Variants in SPNS1 observed in about 807,000 individuals in gnomAD.
SPNS1 encodes the protein SPNS lysolipid transporter 1, lysophospholipid, also known as protein spinster homolog 1.
A neutral mutation model predicts 50.3 loss-of-function variants in SPNS1; 22 were observed. The observed-to-expected ratio is 0.44, with a 90% CI of 0.31 to 0.62. The LOEUF (loss-of-function observed/expected upper bound fraction) is 0.62, where lower values mean the gene tolerates loss of function less well. Among genes scored for constraint, SPNS1 ranks in the 20% least tolerant of loss-of-function variants. The pLI, the probability that SPNS1 is intolerant of heterozygous loss-of-function variation, is 0.07. For synonymous variants in SPNS1, 295 were observed against 317.4 expected (o/e 0.93, Z 0.75); for missense variants, 576 against 728.6 (o/e 0.79, Z 2.41).
Position 28,984,529 on chromosome 16 carries a change from A to T in SPNS1, c.*230A>T, listed in dbSNP as rs1212821462. The T allele has an allele frequency of 1.6e-6, 1 of 636,512 alleles. No homozygotes were observed. Among genetic ancestry groups the T allele is most frequent in the Non-Finnish European group, 2.8e-6 (1 of 355,182 alleles). The allele number at this position is 636,512 out of a possible 1,614,324, so 39.4% of individuals were successfully genotyped here. ...GCTCGGTGCTATTTGTAACGGAATA[A>T]AATTTGTAGCCAGACCCCAGGTGCC... is the stretch of plus-strand genomic sequence containing the variant. On this transcript the variant is annotated 3_prime_UTR_variant, in exon 12 of 12. Coordinates refer to ENST00000311008, the MANE Select transcript of SPNS1 (RefSeq NM_032038.3).
chr16:28,976,528 A>G (rs938711872), intron 2 of SPNS1, among the ~76,000 whole-genome samples: 4 of 152,204 alleles, frequency 2.6e-5, no homozygotes, highest in Non-Finnish European at 4.4e-5. Context: ...CTATCAGTCA[A>G]AAATAGGTGT....
chr16:28,979,755 G>A, intron 5 of SPNS1: 2 of 375,874 alleles, frequency 5.3e-6, no homozygotes, highest in Non-Finnish European at 5.1e-6. Context: ...TGGGTGTGGT[G>A]GCTAACACCT....
chr16:28,981,598 G>A lies in SPNS1; in HGVS notation c.792G>A (p.Leu264=). 1 of 1,614,124 alleles carries A rather than the reference G, an allele frequency of 6.2e-7. No homozygotes were observed. Among genetic ancestry groups the A allele is most frequent in the Non-Finnish European group, 8.5e-7 (1 of 1,180,018 alleles). The change falls in exon 6 of 12, where the codon CTG becomes CTA. Residue 264 remains leucine (L), a synonymous_variant. Transcript: ENST00000311008. The surrounding 1 kb of genome is among the most constrained non-coding windows in gnomAD (Gnocchi z 4.2). ...PLNPTSWWAD[L]RALARNPSFV... ...ACCCCACCTCGTGGTGGGCAGATCT[G>A]AGGGCTCTGGCAAGAAAGTGAGTTT...
chr16:28,981,988 G>A lies in SPNS1; in HGVS notation c.897G>A (p.Leu299=). The change falls in exon 7 of 12, where the codon CTG becomes CTA. Residue 299 remains leucine, a synonymous_variant. Transcript: ENST00000311008. The surrounding 1 kb of genome is among the most constrained non-coding windows in gnomAD (Gnocchi z 4.2). ...CTCTGTGGGCTCCGGCATTCCTGCT[G>A]CGTTCCCGCGTGGTCCTTGGGGAGA... is the stretch of plus-strand genomic sequence containing the variant. ...SLALWAPAFL[L]RSRVVLGETP... 6.2e-7 allele frequency: 1 copy of A among 1,614,218 alleles called. No individual in the cohort carries two copies. The highest frequency in any genetic ancestry group is 8.5e-7 in the Non-Finnish European group (1 of 1,180,042).
chr16:28,976,821 C>T (rs972059002), intron 2 of SPNS1, among the ~76,000 whole-genome samples: 4 of 152,292 alleles, frequency 2.6e-5, no homozygotes, highest in East Asian at 3.9e-4. Flanking sequence ...TCTAGGCAGC[C>T]GGATTTATTC....
In SPNS1 at chr16:28,975,500, C is replaced by A. The variant is rs759205790; in HGVS notation, c.250C>A (p.Pro84Thr). ...CTGAATTTTCTCCTCAGGCGTCCTT[C>A]CCGACATCGAGCAGTTCTTCAACAT... ...MDRFTVAGVL[P>T]DIEQFFNIGD... The change falls in exon 2 of 12, where the codon CCC (proline) becomes ACC (threonine). Residue 84 changes from proline to threonine, a missense_variant. By Grantham distance (38) the Pro-to-Thr change is conservative. This residue lies in a region of SPNS1 where 144 missense variants were observed against 181.2 expected (regional missense o/e 0.79). Coordinates refer to ENST00000311008, the MANE Select transcript of SPNS1 (RefSeq NM_032038.3). 2.5e-6 allele frequency: 4 copies of A among 1,614,130 alleles called. No homozygotes were observed. The highest frequency in any genetic ancestry group is 3.4e-6 in the Non-Finnish European group (4 of 1,180,054).
At chr16:28,976,418 C>T (rs911921323) in intron 2 of SPNS1, among the ~76,000 whole-genome samples, 1 of 152,166 alleles carries the variant, frequency 6.6e-6, no homozygotes, top group African/African-American at 2.4e-5. Flanking sequence ...CATTTCTCAA[C>T]CATTTCTGAG....
At position 28,981,772 on chromosome 16, in the gene SPNS1, C is replaced by T. The variant is rs1205539825; in HGVS notation, c.810-129C>T. ...GCTGCTTGAATTACAGGCCCAGATC[C>T]TGGGAGCCAGAACCACCTCTGCACG... On this transcript the variant is annotated intron_variant, in intron 6 of 11. Coordinates refer to ENST00000311008, the MANE Select transcript of SPNS1 (RefSeq NM_032038.3). This position sits in a 1 kb window ranked among gnomAD's most constrained non-coding sequence, Gnocchi z 4.2. 3.3e-6 allele frequency: 5 copies of T among 1,493,740 alleles called. No individual in the cohort carries two copies. The African/African-American group carries it at 5.5e-5, about 17-fold the overall frequency. The allele number at this position is 1,493,740 out of a possible 1,614,324, so 92.5% of individuals were successfully genotyped here. A position where few individuals can be genotyped will look rare whatever the true frequency, so the allele number is the denominator to read the frequency against.
intron 4 of SPNS1, 36 bp from the exon 5 acceptor site, chr16:28,979,369 G>A (rs1965463475): frequency 6.2e-7 from 1 of 1,613,654 alleles, no homozygotes; most frequent in Middle Eastern, 1.7e-4. Flanking sequence ...GGACTGACTG[G>A]CTGTCCCCCC....
In SPNS1 at chr16:28,983,229, C is replaced by A. The variant is rs948993961; in HGVS notation, c.1259C>A (p.Ala420Asp). The A allele has an allele frequency of 1.9e-6, 3 of 1,613,972 alleles. No homozygotes were observed. Among genetic ancestry groups the A allele is most frequent in the Non-Finnish European group, 2.5e-6 (3 of 1,179,996 alleles). ...CCTACCCGACGCTCCACCGCCGAGG[C>A]CTTCCAGATCGTGCTGTCCCACCTG... ...VIPTRRSTAEAFQIVLSHLLG... is the reference protein window; with the variant it reads ...VIPTRRSTAEDFQIVLSHLLG... The change falls in exon 10 of 12, where the codon GCC (alanine) becomes GAC (aspartate). Residue 420 changes from alanine (A) to aspartate (D), a missense_variant. Physicochemically the swap from Ala to Asp is moderately radical, Grantham distance 126. Coordinates refer to ENST00000311008, the MANE Select transcript of SPNS1 (RefSeq NM_032038.3). This position sits in a 1 kb window ranked among gnomAD's most constrained non-coding sequence, Gnocchi z 5.4.
At chr16:28,977,155 T>C (rs1464754909) in intron 2 of SPNS1, among the ~76,000 whole-genome samples, 2 of 151,860 alleles carry the variant, frequency 1.3e-5, no homozygotes, top group Admixed American at 6.6e-5. Flanking sequence ...CCATCTCTAC[T>C]AAAAATACAA....
chr16:28,982,300 G>T (rs1212778450), intron 7 of SPNS1, 56 bp from the exon 8 acceptor site: 58 of 1,518,208 alleles, frequency 3.8e-5, no homozygotes, highest in Non-Finnish European at 4.9e-5. Flanking sequence ...GATGGACAGC[G>T]TAGGGGCCTT....
intron 2 of SPNS1, among the ~76,000 whole-genome samples, chr16:28,977,289 T>C (rs2141664472): frequency 7.2e-6 from 1 of 138,286 alleles, no homozygotes; most frequent in South Asian, 2.3e-4. Context: ...CACTCCAACC[T>C]GACAACAGAG....
rs755796646 is a variant in SPNS1 at position 28,982,909 on chromosome 16, C to T, written c.1208C>T (p.Ala403Val). The stretch of plus-strand genomic sequence containing the variant: ...CTGTCCATGAACTGGGCCATCGTGG[C>T]CGACATTCTGCTGGTGAGTTGCTGG... The part of the protein sequence containing the change: ...TLLSMNWAIV[A>V]DILLYVVIPT... The change falls in exon 9 of 12, where the codon GCC becomes GTC. Residue 403 changes from alanine (A) to valine (V), a missense_variant. Ala to Val is a moderately conservative substitution (Grantham distance 64, BLOSUM62 0). Coordinates refer to ENST00000311008, the MANE Select transcript of SPNS1 (RefSeq NM_032038.3). 7 of 1,613,768 alleles carry T rather than the reference C, an allele frequency of 4.3e-6. No individual in the cohort carries two copies.
rs547064622 is a variant in SPNS1 at position 28,981,033 on chromosome 16, G to A, written c.664-437G>A. On this transcript the variant is annotated intron_variant, in intron 5 of 11. Transcript: ENST00000311008. This position sits in a 1 kb window ranked among gnomAD's most constrained non-coding sequence, Gnocchi z 4.2. ...GTTAACATCATTCTTAAGGACGTGA[G>A]AACTCCAGATGATTACCTTTCCATT... Among the ~76,000 whole-genome samples the A allele has an allele frequency of 2.0e-5, 3 of 152,286 alleles. No homozygotes were observed. Among genetic ancestry groups the A allele is most frequent in the South Asian group, 2.1e-4 (1 of 4,822 alleles).
rs1393610877 is a variant in SPNS1 at position 28,979,152 on chromosome 16, C to T, written c.445-3C>T. 11 of 1,613,418 alleles carry T rather than the reference C, an allele frequency of 6.8e-6. No individual in the cohort carries two copies. Among genetic ancestry groups the T allele is most frequent in the Non-Finnish European group, 8.5e-6 (10 of 1,179,786 alleles). On this transcript the variant is annotated splice_polypyrimidine_tract_variant and splice_region_variant and intron_variant, in intron 3 of 11. Coordinates refer to ENST00000311008, the MANE Select transcript of SPNS1 (RefSeq NM_032038.3). The stretch of plus-strand genomic sequence containing the variant: ...GCCACCTCTCCCCGGTCTCTCTCCC[C>T]AGCATTTCTGGCTGCTCCTCCTGAC...
chr16:28,983,252 C>A lies in SPNS1; in HGVS notation c.1282C>A (p.Leu428Met). The A allele has an allele frequency of 6.2e-7, 1 of 1,614,138 alleles. No homozygotes were observed. Among genetic ancestry groups the A allele is most frequent in the South Asian group, 1.1e-5 (1 of 91,086 alleles). The change falls in exon 10 of 12, where the codon CTG becomes ATG. Residue 428 changes from leucine to methionine, a missense_variant. Coordinates refer to ENST00000311008, the MANE Select transcript of SPNS1 (RefSeq NM_032038.3). The surrounding 1 kb of genome is among the most constrained non-coding windows in gnomAD (Gnocchi z 5.4). ...AEAFQIVLSH[L>M]LGDAGSPYLI... ...GGCCTTCCAGATCGTGCTGTCCCAC[C>A]TGCTGGGTGATGCTGGGAGCCCCTA...
intron 5 of SPNS1, 81 bp downstream of exon 5, chr16:28,979,552 G>A (rs1239364971): frequency 1.6e-5 from 24 of 1,477,642 alleles, no homozygotes; most frequent in East Asian, 1.1e-4. Flanking sequence ...CCTTCCCACC[G>A]CCCATTTTTC....
chr16:28,983,681 T>C lies in SPNS1; in HGVS notation c.1321-105T>C. On this transcript the variant is annotated intron_variant, in intron 10 of 11. Coordinates refer to ENST00000311008, the MANE Select transcript of SPNS1 (RefSeq NM_032038.3). The surrounding 1 kb of genome is among the most constrained non-coding windows in gnomAD (Gnocchi z 5.4). ...TGCATCTAGCTCAAACCTCCTTCCC[T>C]TTCCTGGGCTCCACTTGTCTTTCTC... is the stretch of plus-strand genomic sequence containing the variant. 1 of 1,343,574 alleles carries C rather than the reference T, an allele frequency of 7.4e-7. No homozygotes were observed. Among genetic ancestry groups the C allele is most frequent in the Non-Finnish European group, 1.0e-6 (1 of 993,598 alleles). 83.2% of individuals were successfully genotyped at this position (1,343,574 alleles called of 1,614,324 possible).
Sources: allele counts gnomAD v4.1 joint callset (sites outside exome capture counted in the v4.1 genomes callset), GRCh38; gene constraint gnomAD v4.1.1; regional missense constraint gnomAD v4.1.1; non-coding constraint Gnocchi (gnomAD v3.1); transcripts MANE v1.5; gene names NCBI Gene and HGNC (gene_info 2026-07-23, HGNC 2026-07-21).